The following CADPS variants were observed in gnomAD, a reference collection of about 807,000 sequenced individuals.
CADPS encodes calcium-dependent secretion activator 1.
Under a neutral mutation model 167.3 loss-of-function variants are expected in CADPS, and 57 were observed. The ratio of observed to expected loss-of-function variants is 0.34; its 90% CI spans 0.28 to 0.42. CADPS has a LOEUF of 0.42. Among genes scored for constraint, CADPS ranks in the 20% least tolerant of loss-of-function variants. The pLI is 1.00. For missense variants in CADPS, 1,414 were observed against 1,738.1 expected (o/e 0.81, Z 3.32); for synonymous variants, 676 against 635.3 (o/e 1.06, Z -0.96).
intron 28 of CADPS, chr3:62,404,870 T>A (rs1707834198): frequency 6.6e-6 from 1 of 151,548 alleles, no homozygotes; most frequent in Non-Finnish European, 1.5e-5. Context: ...ATGGACAGGT[T>A]TTCCCCTCTA....
At chr3:62,600,314 C>T (rs1338371103) in intron 6 of CADPS, among the ~76,000 whole-genome samples, 9 of 151,956 alleles carry the variant, frequency 5.9e-5, no homozygotes, top group East Asian at 3.9e-4. Flanking sequence ...TGGCTGCCAA[C>T]GGTATAGTGA....
At chr3:62,835,926 C>T (rs771732399) in intron 1 of CADPS, among the ~76,000 whole-genome samples, 6 of 152,168 alleles carry the variant, frequency 3.9e-5, no homozygotes, top group African/African-American at 7.2e-5. Flanking sequence ...AAAGCTAATG[C>T]AGCTCCCTTC....
intron 6 of CADPS, among the ~76,000 whole-genome samples, chr3:62,598,407 A>T (rs1339427084): frequency 6.6e-6 from 1 of 152,238 alleles, no homozygotes; most frequent in African/African-American, 2.4e-5. Flanking sequence ...AGAATCAAGA[A>T]GGTTTAAATA....
At chr3:62,518,114 C>G (rs1364024760) in intron 14 of CADPS, 35 bp downstream of exon 14, 4 of 1,441,234 alleles carry the variant, frequency 2.8e-6, no homozygotes, top group Middle Eastern at 1.7e-4. Context: ...CCACTCTCAT[C>G]TCCTAATTAA....
intron 28 of CADPS, among the ~76,000 whole-genome samples, chr3:62,432,730 T>C (rs1361360351): frequency 6.6e-6 from 1 of 152,148 alleles, no homozygotes; most frequent in East Asian, 1.9e-4. Flanking sequence ...CCCTGTTATA[T>C]AGATGAATCA....
intron 3 of CADPS, among the ~76,000 whole-genome samples, chr3:62,737,970 G>T (rs472592): frequency 2.0e-5 from 3 of 150,346 alleles, no homozygotes; most frequent in Non-Finnish European, 3.0e-5. Context: ...TTTTTTTCTT[G>T]TTTTGCCCAT....
chr3:62,787,203 G>A (rs1471701629), intron 1 of CADPS, among the ~76,000 whole-genome samples: 1 of 152,102 alleles, frequency 6.6e-6, no homozygotes, highest in Non-Finnish European at 1.5e-5. Flanking sequence ...GCTGAGGCAG[G>A]AGGATCACTT....
intron 3 of CADPS, among the ~76,000 whole-genome samples, chr3:62,723,466 C>T (rs900604543): frequency 6.6e-6 from 1 of 152,098 alleles, no homozygotes; most frequent in African/African-American, 2.4e-5. Flanking sequence ...CTCACCTCTG[C>T]TGTCTGAATA....
chr3:62,429,523 G>A (rs564802874), intron 28 of CADPS, among the ~76,000 whole-genome samples: 1 of 152,274 alleles, frequency 6.6e-6, no homozygotes, highest in South Asian at 2.1e-4. Flanking sequence ...TAATAAATGA[G>A]AAGTATTTGA....
chr3:62,559,324 A>T (rs2078735705), intron 9 of CADPS, among the ~76,000 whole-genome samples: 1 of 152,154 alleles, frequency 6.6e-6, no homozygotes, highest in Non-Finnish European at 1.5e-5. Context: ...TTGGTTCTAG[A>T]AAGTTGAGTA....
At chr3:62,762,422 C>T (rs1434357624) in intron 2 of CADPS, among the ~76,000 whole-genome samples, 2 of 151,848 alleles carry the variant, frequency 1.3e-5, no homozygotes, top group African/African-American at 2.4e-5. Context: ...TTTGGGGGGC[C>T]AATGCGGGTG....
chr3:62,453,297 A>AT (rs980048476), intron 26 of CADPS, among the ~76,000 whole-genome samples: 4 of 151,884 alleles, frequency 2.6e-5, no homozygotes, highest in East Asian at 1.9e-4. Flanking sequence ...GTACTGTTTC[A>AT]TTTTTTTTAG....
At chr3:62,741,486 T>A (rs1322421482) in intron 3 of CADPS, among the ~76,000 whole-genome samples, 3 of 152,164 alleles carry the variant, frequency 2.0e-5, no homozygotes, top group African/African-American at 7.2e-5. Flanking sequence ...AATCGATAAA[T>A]GTGATTCATC....
chr3:62,629,426 T>C (rs1039016022), intron 6 of CADPS, among the ~76,000 whole-genome samples: 1 of 152,232 alleles, frequency 6.6e-6, no homozygotes, highest in Non-Finnish European at 1.5e-5. Context: ...GGCTTATCAA[T>C]GTTGGAGCAT....
At chr3:62,749,455 C>G (rs1377491560) in intron 3 of CADPS, among the ~76,000 whole-genome samples, 1 of 152,140 alleles carries the variant, frequency 6.6e-6, no homozygotes, top group Non-Finnish European at 1.5e-5. Context: ...AAACATTAAG[C>G]ACATTTTGGG....
intron 6 of CADPS, among the ~76,000 whole-genome samples, chr3:62,607,398 G>T (rs532353025): frequency 3.3e-5 from 5 of 152,200 alleles, no homozygotes; most frequent in Non-Finnish European, 7.3e-5. Flanking sequence ...GGCAGCCAAT[G>T]TCTCTCAAAT....
chr3:62,492,909 A>C (rs1264582768), intron 19 of CADPS, among the ~76,000 whole-genome samples: 5 of 152,126 alleles, frequency 3.3e-5, no homozygotes, highest in Non-Finnish European at 7.4e-5. Context: ...CTATGGTCTC[A>C]TACAAAAACT....
At chr3:62,405,372 G>A (rs566825379) in intron 28 of CADPS, among the ~76,000 whole-genome samples, 270 of 151,132 alleles carry the variant, frequency 1.8e-3, no homozygotes, top group African/African-American at 6.3e-3. Context: ...GCAAACCGGC[G>A]CTGGCTTATA....
intron 3 of CADPS, among the ~76,000 whole-genome samples, chr3:62,702,145 C>CA (rs1325041156): frequency 6.6e-6 from 1 of 152,120 alleles, no homozygotes; most frequent in African/African-American, 2.4e-5. Flanking sequence ...CTGAAGCCCT[C>CA]AAAATCATCT....
Sources: allele counts gnomAD v4.1 joint callset (sites outside exome capture counted in the v4.1 genomes callset), GRCh38; gene constraint gnomAD v4.1.1; transcripts MANE v1.5; gene names NCBI Gene and HGNC (gene_info 2026-07-23, HGNC 2026-07-21).